Variants in CAPG observed in about 807,000 individuals in gnomAD.
The protein encoded by CAPG is capping actin protein, gelsolin like.
Under a neutral mutation model 44.6 loss-of-function variants are expected in CAPG, and 32 were observed. The observed-to-expected ratio is 0.72, with a 90% CI of 0.54 to 0.96. CAPG has a LOEUF of 0.96. Among genes scored for constraint, CAPG ranks in the 50% least tolerant of loss-of-function variants. The pLI, the probability that CAPG is intolerant of heterozygous loss-of-function variation, is 0.00. For synonymous variants in CAPG, 175 were observed against 179.6 expected (o/e 0.97, Z 0.20); for missense variants, 412 against 438.3 (o/e 0.94, Z 0.54).
intron 1 of CAPG, among the ~76,000 whole-genome samples, chr2:85,408,338 TCACACACACACACACACA>T (rs71390065): frequency 4.6e-5 from 6 of 129,490 alleles, no homozygotes; most frequent in Admixed American, 3.1e-4. Flanking sequence ...GAAGAATCTG[TCACACACACACACACACA>T]CACACACACA....
rs1461314795 is a variant in CAPG, at chr2:85,398,407, A to C, written c.760-255T>G. Reference sequence around the variant, plus strand: ...AAATTAGGTGGATTCCAAATTACAAAGAAATGCACAGAATTCAAGAAAGAA... The same window carrying C: ...AAATTAGGTGGATTCCAAATTACAACGAAATGCACAGAATTCAAGAAAGAA... On this transcript the variant is annotated intron_variant, in intron 7 of 9. Transcript: ENST00000263867. 5 of 587,462 alleles carry C rather than the reference A, an allele frequency of 8.5e-6. No individual in the cohort carries two copies. The African/African-American group carries it at 9.3e-5, about 11-fold the overall frequency. The allele number at this position is 587,462 out of a possible 1,614,324, so 36.4% of individuals were successfully genotyped here.
At chr2:85,404,720 C>T (rs1383936614) in intron 1 of CAPG, among the ~76,000 whole-genome samples, 2 of 151,788 alleles carry the variant, frequency 1.3e-5, no homozygotes, top group African/African-American at 4.8e-5. Context: ...TGCACTCCAG[C>T]CTGGGTGACA....
chr2:85,396,588 G>A (rs1041015989), intron 8 of CAPG, among the ~76,000 whole-genome samples: 4 of 152,072 alleles, frequency 2.6e-5, no homozygotes, highest in African/African-American at 9.7e-5. Flanking sequence ...GGCCTCCCAA[G>A]TTTCCTGTTT....
rs367976290 is a variant in CAPG, at chr2:85,401,845, C to T, written c.136G>A (p.Asp46Asn). 6.2e-7 allele frequency: 1 copy of T among 1,614,140 alleles called. No individual in the cohort carries two copies. Among genetic ancestry groups the T allele is most frequent in the East Asian group, 2.2e-5 (1 of 44,868 alleles). ...QENQGVFFSG[D>N]SYLVLHNGPE... The stretch of plus-strand genomic sequence containing the variant: ...CCATTGTGCAGCACTAGGTAGGAGT[C>T]CCCCGAGAAGAAGACGCCCTGGTTC... The change falls in exon 3 of 10, where the codon GAC (aspartate) becomes AAC (asparagine). Residue 46 changes from aspartate to asparagine, a missense_variant. Coordinates refer to ENST00000263867, the MANE Select transcript of CAPG (RefSeq NM_001747.4).
At position 85,402,823 on chromosome 2, in the gene CAPG, T is replaced by C. The variant is rs575681176; in HGVS notation, c.-13-665A>G. On this transcript the variant is annotated intron_variant, in intron 1 of 9. Transcript: ENST00000263867. The stretch of plus-strand genomic sequence containing the variant: ...TCTCACTCTGTCACTCAGGCTGGAG[T>C]GCAGTGGCGTGATCTCAGCTCACTG... Among the ~76,000 whole-genome samples, 11 of 149,174 alleles carry C rather than the reference T, an allele frequency of 7.4e-5. No individual in the cohort carries two copies. The South Asian group carries it at 2.3e-3, about 32-fold the overall frequency.
intron 5 of CAPG, among the ~76,000 whole-genome samples, chr2:85,400,633 G>A (rs1195436539): frequency 6.6e-6 from 1 of 152,110 alleles, no homozygotes; most frequent in Non-Finnish European, 1.5e-5. Flanking sequence ...TTTGCCTGGA[G>A]TGGCATCTCC....
chr2:85,414,325 TCTA>T (rs1392477721), upstream of CAPG, among the ~76,000 whole-genome samples: 3 of 152,180 alleles, frequency 2.0e-5, no homozygotes, highest in African/African-American at 4.8e-5. Flanking sequence ...CGTCCTCACA[TCTA>T]CTATCATTAT....
At chr2:85,401,362 A>G in intron 4 of CAPG, 33 bp from the exon 5 acceptor site, 1 of 1,607,402 alleles carries the variant, frequency 6.2e-7, no homozygotes, top group Non-Finnish European at 8.5e-7. Context: ...GAGTGGACTG[A>G]CAGGAGACCC....
chr2:85,394,924 A>G lies in CAPG; in HGVS notation c.1016T>C (p.Ile339Thr), dbSNP rs753006001. ...EILPQGHESPIFKQFFKDWK is the reference protein window; with the variant it reads ...EILPQGHESPTFKQFFKDWK The stretch of plus-strand genomic sequence containing the variant: ...CCAGTCCTTGAAAAATTGCTTGAAG[A>G]TGGGACTCTCATGGCCCTGAGGCAG... Residue 339 changes from isoleucine to threonine, a missense_variant, in exon 10 of 10, where the codon ATC becomes ACC. Physicochemically the swap from Ile to Thr is moderately conservative, Grantham distance 89. Transcript: ENST00000263867. The G allele has an allele frequency of 1.2e-6, 2 of 1,613,692 alleles. No homozygotes were observed. The highest frequency in any genetic ancestry group is 2.2e-5 in the South Asian group (2 of 91,080).
chr2:85,416,766 G>A (rs1440556476), intron 1 of CAPG, among the ~76,000 whole-genome samples: 5 of 152,126 alleles, frequency 3.3e-5, no homozygotes, highest in African/African-American at 9.6e-5. Flanking sequence ...TGCCTGCCTC[G>A]GCCTCCCAAA....
intron 1 of CAPG, chr2:85,418,190 GGTCTCCCAGCCC>G (rs1376476716): frequency 6.6e-6 from 1 of 152,190 alleles, no homozygotes; most frequent in Admixed American, 6.5e-5. Flanking sequence ...GCCTGGGCTG[GGTCTCCCAGCCC>G]AAATTCTCAC....
chr2:85,401,926 G>C lies in CAPG; in HGVS notation c.55C>G (p.Pro19Ala). Reference protein sequence around the residue: ...GSPFPGSVQDPGLHVWRVEKL... With the variant: ...GSPFPGSVQDAGLHVWRVEKL... ...TCCACCCGCCACACATGCAGGCCTG[G>C]ATCCTGCACTGAGCCTGGGAATGGA... Residue 19 changes from proline to alanine, a missense_variant, in exon 3 of 10, where the codon CCA becomes GCA. Transcript: ENST00000263867. 2 of 1,614,114 alleles carry C rather than the reference G, an allele frequency of 1.2e-6. No homozygotes were observed. The highest frequency in any genetic ancestry group is 1.3e-5 in the African/African-American group (1 of 75,026).
rs1686681983 is a variant in CAPG, at chr2:85,397,901, T to A, written c.892+119A>T. 5 of 1,022,610 alleles carry A rather than the reference T, an allele frequency of 4.9e-6. No homozygotes were observed. In the South Asian group the frequency reaches 8.0e-5, roughly 16 times the overall value. The allele number at this position is 1,022,610 out of a possible 1,614,324, so 63.3% of individuals were successfully genotyped here. A position where few individuals can be genotyped will look rare whatever the true frequency, so the allele number is the denominator to read the frequency against. Reference sequence around the variant, plus strand: ...GAGAGAAAATGGTCAGCCAGAAGCATGCAGGCTTCCTGAGGCTGTCTTTTA... The same window carrying A: ...GAGAGAAAATGGTCAGCCAGAAGCAAGCAGGCTTCCTGAGGCTGTCTTTTA... On this transcript the variant is annotated intron_variant, in intron 8 of 9. Coordinates refer to ENST00000263867, the MANE Select transcript of CAPG (RefSeq NM_001747.4).
chr2:85,404,978 T>C (rs1430609226), intron 1 of CAPG, among the ~76,000 whole-genome samples: 1 of 150,134 alleles, frequency 6.7e-6, no homozygotes, highest in Non-Finnish European at 1.5e-5. Flanking sequence ...AAACTAGGAA[T>C]AGAAAGAAAT....
chr2:85,395,897 A>C lies in CAPG; in HGVS notation c.893-271T>G. The C allele has an allele frequency of 2.3e-6, 1 of 443,846 alleles. No individual in the cohort carries two copies. The highest frequency in any genetic ancestry group is 4.1e-6 in the Non-Finnish European group (1 of 242,348). 27.5% of individuals were successfully genotyped at this position (443,846 alleles called of 1,614,324 possible). Reference sequence around the variant, plus strand: ...ACTCTGCTCTGACCTGGGCCCCTGGAATATTTCAGGGAGGGGAACAGGTGT... The same window carrying C: ...ACTCTGCTCTGACCTGGGCCCCTGGCATATTTCAGGGAGGGGAACAGGTGT... On this transcript the variant is annotated intron_variant, in intron 8 of 9. Coordinates refer to ENST00000263867, the MANE Select transcript of CAPG (RefSeq NM_001747.4). The surrounding 1 kb of genome is among the most constrained non-coding windows in gnomAD (Gnocchi z 4.3).
chr2:85,402,697 C>T (rs1332103356), intron 1 of CAPG, among the ~76,000 whole-genome samples: 1 of 151,832 alleles, frequency 6.6e-6, no homozygotes, highest in East Asian at 1.9e-4. Context: ...AACTCCTAAC[C>T]TCAAGTGATT....
At chr2:85,403,464 A>C (rs1686999958) in intron 1 of CAPG, among the ~76,000 whole-genome samples, 1 of 152,260 alleles carries the variant, frequency 6.6e-6, no homozygotes, top group African/African-American at 2.4e-5. Context: ...ATCTTCAAAA[A>C]AAGAGATGAC....
chr2:85,408,478 C>A (rs1687276371), intron 1 of CAPG, among the ~76,000 whole-genome samples: 1 of 152,076 alleles, frequency 6.6e-6, no homozygotes, highest in South Asian at 2.1e-4. Flanking sequence ...GTTCTCCCAG[C>A]CCTCTCCCCT....
At chr2:85,394,639 C>T, downstream of CAPG, 1 of 550,636 alleles carries the variant, frequency 1.8e-6, no homozygotes, top group Non-Finnish European at 3.3e-6. Context: ...TGCAAAGCAG[C>T]TCTGGCCCCT....
Sources: allele counts gnomAD v4.1 joint callset (sites outside exome capture counted in the v4.1 genomes callset), GRCh38; gene constraint gnomAD v4.1.1; non-coding constraint Gnocchi (gnomAD v3.1); transcripts MANE v1.5; gene names NCBI Gene and HGNC (gene_info 2026-07-23, HGNC 2026-07-21).